Variants in OPCML observed in about 807,000 individuals in gnomAD.
OPCML encodes the protein opioid-binding protein/cell adhesion molecule.
A neutral mutation model predicts 37.8 loss-of-function variants in OPCML; 13 were observed. That is an observed-to-expected ratio of 0.34 (90% CI 0.22 to 0.55). OPCML has a LOEUF of 0.55. Ranked by LOEUF, OPCML falls within the 20% of genes least tolerant of loss-of-function variation. The pLI, the probability that OPCML is intolerant of heterozygous loss-of-function variation, is 0.91. For missense variants in OPCML, 341 were observed against 435.6 expected (o/e 0.78, Z 1.93); for synonymous variants, 176 against 168.8 (o/e 1.04, Z -0.33).
intron 1 of OPCML, among the ~76,000 whole-genome samples, chr11:132,983,697 T>C (rs11223313): frequency 0.27 from 40,905 of 152,092 alleles, 5,947 homozygotes; most frequent in African/African-American, 0.38. Context: ...TCCCATATCA[T>C]CCAGGAAAGT....
At chr11:132,787,386 C>T (rs1406543202) in intron 2 of OPCML, among the ~76,000 whole-genome samples, 1 of 152,122 alleles carries the variant, frequency 6.6e-6, no homozygotes, top group Non-Finnish European at 1.5e-5. Flanking sequence ...TTGTAATAGG[C>T]CCTTTTGGTT....
chr11:132,850,779 C>T (rs1349074523), intron 2 of OPCML, among the ~76,000 whole-genome samples: 1 of 152,190 alleles, frequency 6.6e-6, no homozygotes, highest in Non-Finnish European at 1.5e-5. Context: ...TCAGCAAATA[C>T]ACTATGCATA....
At chr11:133,507,344 A>T (rs1299617704) in intron 1 of OPCML, among the ~76,000 whole-genome samples, 1 of 152,170 alleles carries the variant, frequency 6.6e-6, no homozygotes, top group Non-Finnish European at 1.5e-5. Context: ...GCTGGCTGCA[A>T]TCAATCCCCA....
intron 1 of OPCML, chr11:133,004,861 A>C (rs1365969673): frequency 1.0e-6 from 1 of 985,234 alleles, no homozygotes; most frequent in Non-Finnish European, 1.2e-6. Flanking sequence ...CCAAGACAGA[A>C]ATCAACGAGC....
At chr11:132,755,608 G>T (rs1946011848) in intron 2 of OPCML, among the ~76,000 whole-genome samples, 1 of 152,142 alleles carries the variant, frequency 6.6e-6, no homozygotes, top group Admixed American at 6.6e-5. Context: ...AAAATAATTT[G>T]TGTGGTTCAT....
chr11:132,469,521 GGTGTGTGTGTATGTAT>G (rs979501041), intron 4 of OPCML, among the ~76,000 whole-genome samples: 10 of 149,724 alleles, frequency 6.7e-5, no homozygotes, highest in African/African-American at 2.5e-4. Context: ...ATGTGTGTGG[GGTGTGTGTGTATGTAT>G]GTGTGTGGGG....
intron 1 of OPCML, among the ~76,000 whole-genome samples, chr11:133,219,602 C>T (rs1477211768): frequency 6.6e-6 from 1 of 152,152 alleles, no homozygotes; most frequent in Non-Finnish European, 1.5e-5. Flanking sequence ...TGAATCAGGT[C>T]TGCAGTGTGA....
chr11:132,436,689 G>A lies in OPCML; in HGVS notation c.734C>T (p.Ala245Val), dbSNP rs1224685508. 1 of 1,614,158 alleles carries A rather than the reference G, an allele frequency of 6.2e-7. No individual in the cohort carries two copies. The highest frequency in any genetic ancestry group is 8.5e-7 in the Non-Finnish European group (1 of 1,180,038). ...TTCTTCCTTGAACCACTGGAATTCA[G>A]CCATGGGGACTGCAGAGGCTTCACA... ...LSCEASAVPM[A>V]EFQWFKEETR... The change falls in exon 6 of 8, where the codon GCT becomes GTT. Residue 245 changes from alanine to valine, a missense_variant. Coordinates refer to ENST00000524381, the MANE Select transcript of OPCML (RefSeq NM_001012393.5).
At chr11:132,448,546 G>A (rs1184348267) in intron 4 of OPCML, among the ~76,000 whole-genome samples, 1 of 152,212 alleles carries the variant, frequency 6.6e-6, no homozygotes, top group Non-Finnish European at 1.5e-5. Context: ...ACTAGGGGCA[G>A]GGGTCCCTTT....
chr11:132,945,790 TGTTTG>T (rs1284791153), intron 1 of OPCML, among the ~76,000 whole-genome samples: 2 of 149,138 alleles, frequency 1.3e-5, no homozygotes, highest in Admixed American at 6.7e-5. Context: ...CTTTTTTGTT[TGTTTG>T]TTTTTGAGAC....
chr11:133,364,460 C>T (rs539752476), intron 1 of OPCML, among the ~76,000 whole-genome samples: 3 of 152,274 alleles, frequency 2.0e-5, no homozygotes, highest in Admixed American at 6.5e-5. Context: ...CCTTAAAAGA[C>T]AGAAATTAAT....
chr11:133,263,424 A>G (rs1197806700), intron 1 of OPCML, among the ~76,000 whole-genome samples: 1 of 152,170 alleles, frequency 6.6e-6, no homozygotes, highest in Non-Finnish European at 1.5e-5. Context: ...TCACTGCTGT[A>G]CAGGGGTATA....
At chr11:132,919,658 C>T (rs868029307) in intron 2 of OPCML, among the ~76,000 whole-genome samples, 3 of 152,160 alleles carry the variant, frequency 2.0e-5, no homozygotes, top group South Asian at 2.1e-4. Flanking sequence ...TGATGACACA[C>T]GTGCCCCTTT....
At chr11:132,728,194 C>T (rs547520365) in intron 2 of OPCML, among the ~76,000 whole-genome samples, 4 of 152,212 alleles carry the variant, frequency 2.6e-5, no homozygotes, top group Non-Finnish European at 5.9e-5. Context: ...CGCACCCTGT[C>T]TCCCCTGGCC....
intron 2 of OPCML, among the ~76,000 whole-genome samples, chr11:132,792,442 GACTAAA>G (rs1308580192): frequency 1.3e-5 from 2 of 152,180 alleles, no homozygotes; most frequent in Non-Finnish European, 2.9e-5. Flanking sequence ...AAAGTGTAAA[GACTAAA>G]GTAATTAAGG....
At chr11:132,701,792 GT>G (rs71067385) in intron 2 of OPCML, among the ~76,000 whole-genome samples, 12 of 121,778 alleles carry the variant, frequency 9.9e-5, no homozygotes, top group East Asian at 2.2e-4. Flanking sequence ...GTGTGTGTGT[GT>G]GTGGTGGTGG....
rs2095948883 is a variant in OPCML, at chr11:132,419,205, C to T, written c.*988G>A. The T allele has an allele frequency of 6.6e-6, 1 of 152,134 alleles. No homozygotes were observed. Among genetic ancestry groups the T allele is most frequent in the Non-Finnish European group, 1.5e-5 (1 of 68,030 alleles). 9.4% of individuals were successfully genotyped at this position (152,134 alleles called of 1,614,324 possible). A position where few individuals can be genotyped will look rare whatever the true frequency, so the allele number is the denominator to read the frequency against. On this transcript the variant is annotated 3_prime_UTR_variant, in exon 8 of 8. Coordinates refer to ENST00000524381, the MANE Select transcript of OPCML (RefSeq NM_001012393.5). ...GAGAGATACAATATGGTTAGAGATTCATATGGGGATGAATTGATAGTGAGT... is the reference window on the plus strand; with the variant it reads ...GAGAGATACAATATGGTTAGAGATTTATATGGGGATGAATTGATAGTGAGT...
At chr11:132,932,021 A>T (rs1432259008) in intron 2 of OPCML, among the ~76,000 whole-genome samples, 14 of 152,230 alleles carry the variant, frequency 9.2e-5, no homozygotes, top group Admixed American at 9.2e-4. Context: ...AGCTAGTTAC[A>T]AAAGGATGAA....
intron 1 of OPCML, among the ~76,000 whole-genome samples, chr11:133,191,384 G>A (rs938060038): frequency 1.3e-5 from 2 of 151,724 alleles, no homozygotes; most frequent in South Asian, 2.1e-4. Flanking sequence ...GATTGTAGAG[G>A]GTAATTTAGA....
Sources: gnomAD v4.1 joint callset for allele counts (sites outside exome capture counted in the v4.1 genomes callset) on GRCh38, gnomAD v4.1.1 for gene constraint, MANE v1.5 for transcripts, NCBI Gene and HGNC (gene_info 2026-07-23, HGNC 2026-07-21) for gene names.